The following RALGAPA2 variants were observed in gnomAD, a reference collection of about 807,000 sequenced individuals.
RALGAPA2 encodes ral GTPase-activating protein subunit alpha-2.
A neutral mutation model predicts 230.4 loss-of-function variants in RALGAPA2; 139 were observed. The ratio of observed to expected loss-of-function variants is 0.60; its 90% CI spans 0.53 to 0.69. RALGAPA2 has a LOEUF of 0.69. RALGAPA2 is among the 30% of genes least tolerant of loss of function. The pLI, the probability that RALGAPA2 is intolerant of heterozygous loss-of-function variation, is 0.00. For missense variants in RALGAPA2, 2,163 were observed against 2,276.0 expected (o/e 0.95, Z 1.01); for synonymous variants, 847 against 837.8 (o/e 1.01, Z -0.19).
intron 3 of RALGAPA2, among the ~76,000 whole-genome samples, chr20:20,664,681 T>C (rs2067899371): frequency 6.6e-6 from 1 of 152,200 alleles, no homozygotes; most frequent in African/African-American, 2.4e-5. Flanking sequence ...TGGCCATCCG[T>C]TTTATGCCAT....
chr20:20,598,445 T>A (rs1200950333), intron 16 of RALGAPA2, among the ~76,000 whole-genome samples: 3 of 152,202 alleles, frequency 2.0e-5, no homozygotes, highest in Non-Finnish European at 4.4e-5. Context: ...AACCCTTCTA[T>A]CCTTCTTAAT....
chr20:20,584,810 A>G (rs2065085064), intron 19 of RALGAPA2, 55 bp downstream of exon 19: 4 of 1,304,048 alleles, frequency 3.1e-6, no homozygotes, highest in Non-Finnish European at 4.4e-6. Flanking sequence ...ATGTAAAAAG[A>G]AAATAGAACA....
chr20:20,502,787 T>C (rs1330099617), intron 35 of RALGAPA2, among the ~76,000 whole-genome samples: 4 of 152,214 alleles, frequency 2.6e-5, no homozygotes, highest in Admixed American at 2.6e-4. Context: ...GATTAGAGGC[T>C]TCCTTCCCAG....
At position 20,505,454 on chromosome 20, in the gene RALGAPA2, C is replaced by T. The variant is rs750046325; in HGVS notation, c.5009G>A (p.Gly1670Glu). 6.2e-7 allele frequency: 1 copy of T among 1,602,162 alleles called. No individual in the cohort carries two copies. ...DKCSILSNER[G>E]SQAYEDFVAG... ...AACAAAGTCTTCATATGCTTGGCTT[C>T]CTCTTTCATTAGAGAGGATTGAACA... Residue 1670 changes from glycine to glutamate, a missense_variant, in exon 34 of 40, where the codon GGA becomes GAA. By Grantham distance (98) the Gly-to-Glu change is moderately conservative (BLOSUM62 -2). Transcript: ENST00000202677.
chr20:20,446,746 G>C (rs1394974605), intron 37 of RALGAPA2, among the ~76,000 whole-genome samples: 1 of 152,170 alleles, frequency 6.6e-6, no homozygotes, highest in Non-Finnish European at 1.5e-5. Context: ...GTGACTTCCT[G>C]GGTTGAACTA....
chr20:20,483,656 TG>T (rs999782882), intron 36 of RALGAPA2, among the ~76,000 whole-genome samples: 1 of 152,214 alleles, frequency 6.6e-6, no homozygotes, highest in Non-Finnish European at 1.5e-5. Context: ...AGGGAAACCA[TG>T]TGCAACCCCC....
intron 37 of RALGAPA2, among the ~76,000 whole-genome samples, chr20:20,440,210 G>T (rs2060707263): frequency 6.6e-6 from 1 of 152,048 alleles, no homozygotes; most frequent in Admixed American, 6.6e-5. Flanking sequence ...AAAATGACCT[G>T]GCCCAGAATA....
chr20:20,683,777 C>T (rs1029761913), intron 1 of RALGAPA2, among the ~76,000 whole-genome samples: 1 of 152,212 alleles, frequency 6.6e-6, no homozygotes, highest in Admixed American at 6.5e-5. Context: ...CCGGTTCCCA[C>T]ATCTCCTGCC....
intron 38 of RALGAPA2, among the ~76,000 whole-genome samples, chr20:20,400,572 C>A (rs150152849): frequency 6.6e-6 from 1 of 152,112 alleles, no homozygotes; most frequent in Non-Finnish European, 1.5e-5. Flanking sequence ...AAATTAATAT[C>A]TTGGTGTCAA....
rs533612759 is a variant in RALGAPA2, at chr20:20,514,917, G to A, written c.4085-1633C>T. Among the ~76,000 whole-genome samples the A allele has an allele frequency of 4.6e-5, 7 of 152,338 alleles. No individual in the cohort carries two copies. The South Asian group carries it at 1.0e-3, about 23-fold the overall frequency. On this transcript the variant is annotated intron_variant, in intron 31 of 39. Coordinates refer to ENST00000202677, the MANE Select transcript of RALGAPA2 (RefSeq NM_020343.4). ...CCTCTGCCTGTGCAGAGAACCAGGA[G>A]CCAAGGAGATTTCCCAGCTCCATGT... is the stretch of plus-strand genomic sequence containing the variant.
chr20:20,637,493 G>T lies in RALGAPA2; in HGVS notation c.675C>A (p.Ser225Arg). 1 of 1,563,634 alleles carries T rather than the reference G, an allele frequency of 6.4e-7. No homozygotes were observed. The highest frequency in any genetic ancestry group is 1.2e-5 in the South Asian group (1 of 84,888). ...GATTCTCCTTATTCTTCCACTCCAA[G>T]CTCGCAGCCTTTGGATAATATGTGG... Reference protein sequence around the residue: ...LLKYMVIQAASLEWKNKENQD... With the variant: ...LLKYMVIQAARLEWKNKENQD... Residue 225 changes from serine (S) to arginine (R), a missense_variant, in exon 8 of 40, where the codon AGC becomes AGA. Coordinates refer to ENST00000202677, the MANE Select transcript of RALGAPA2 (RefSeq NM_020343.4).
At chr20:20,639,672 C>A in intron 7 of RALGAPA2, 113 bp downstream of exon 7, 1 of 772,486 alleles carries the variant, frequency 1.3e-6, no homozygotes, top group South Asian at 1.8e-5. Context: ...ATAAAATCAC[C>A]TCAAAGAAAA....
Position 20,712,325 on chromosome 20 carries a change from A to T in RALGAPA2, c.106+50T>A, listed in dbSNP as rs2069916596. On this transcript the variant is annotated intron_variant, in intron 1 of 39. Coordinates refer to ENST00000202677, the MANE Select transcript of RALGAPA2 (RefSeq NM_020343.4). The surrounding 1 kb of genome is among the most constrained non-coding windows in gnomAD (Gnocchi z 5.5). ...CTGCACAGAGGAGCGCCCTCCCGGC[A>T]GGTGCCCCTAACCCGGCGCCCCGAC... 2 of 1,341,692 alleles carry T rather than the reference A, an allele frequency of 1.5e-6. No individual in the cohort carries two copies. The highest frequency in any genetic ancestry group is 2.5e-5 in the South Asian group (2 of 80,932). The allele number at this position is 1,341,692 out of a possible 1,614,324, so 83.1% of individuals were successfully genotyped here. A position where few individuals can be genotyped will look rare whatever the true frequency, so the allele number is the denominator to read the frequency against.
chr20:20,549,715 GGACA>G (rs2145740623), intron 23 of RALGAPA2, among the ~76,000 whole-genome samples: 1 of 152,166 alleles, frequency 6.6e-6, no homozygotes, highest in East Asian at 1.9e-4. Flanking sequence ...CTCAATAGTG[GGACA>G]TCCACAAAAT....
chr20:20,615,959 AT>A (rs1295142356), intron 13 of RALGAPA2, 83 bp downstream of exon 13: 1 of 1,100,882 alleles, frequency 9.1e-7, no homozygotes, highest in African/African-American at 1.6e-5. Context: ...AAAACATTAA[AT>A]AAATGCAAGC....
intron 26 of RALGAPA2, among the ~76,000 whole-genome samples, chr20:20,533,323 G>T (rs987003352): frequency 1.3e-5 from 2 of 151,860 alleles, no homozygotes; most frequent in Non-Finnish European, 2.9e-5. Context: ...CTATAAAAAG[G>T]TTAATTAAAA....
At chr20:20,455,574 GC>G (rs2061096652) in intron 37 of RALGAPA2, among the ~76,000 whole-genome samples, 1 of 152,182 alleles carries the variant, frequency 6.6e-6, no homozygotes, top group African/African-American at 2.4e-5. Flanking sequence ...ACAAACCACT[GC>G]CACAGAGGAC....
chr20:20,694,897 C>T lies in RALGAPA2; in HGVS notation c.107-14096G>A, dbSNP rs151017083. ...TGCAGAATTTGAGAACCCCTTGATA[C>T]CTAAATTATTTTTCATATATTCATA... On this transcript the variant is annotated intron_variant, in intron 1 of 39. Coordinates refer to ENST00000202677, the MANE Select transcript of RALGAPA2 (RefSeq NM_020343.4). Among the ~76,000 whole-genome samples, 424 of 152,198 alleles carry T rather than the reference C, an allele frequency of 2.8e-3. 2 individuals carry two copies. Among genetic ancestry groups the T allele is most frequent in the African/African-American group, 9.7e-3 (404 of 41,508 alleles).
In RALGAPA2 at chr20:20,505,421, A is replaced by G. The variant is rs2062502794; in HGVS notation, c.5042T>C (p.Leu1681Pro). The change falls in exon 34 of 40, where the codon CTT becomes CCT. Residue 1681 changes from leucine (L) to proline (P), a missense_variant. Physicochemically the swap from Leu to Pro is moderately conservative, Grantham distance 98. Transcript: ENST00000202677. ...AATGAAATGCATTACCTCCCATCCAAGTCCAGCAACAAAGTCTTCATATGC... is the reference window on the plus strand; with the variant it reads ...AATGAAATGCATTACCTCCCATCCAGGTCCAGCAACAAAGTCTTCATATGC... ...SQAYEDFVAG[L>P]GWEVDLSTHC... The G allele has an allele frequency of 6.3e-7, 1 of 1,599,330 alleles. No individual in the cohort carries two copies. Among genetic ancestry groups the G allele is most frequent in the Non-Finnish European group, 8.5e-7 (1 of 1,172,610 alleles).
Sources: gnomAD v4.1 joint callset for allele counts (sites outside exome capture counted in the v4.1 genomes callset) on GRCh38, gnomAD v4.1.1 for gene constraint, Gnocchi (gnomAD v3.1) non-coding constraint, MANE v1.5 for transcripts, NCBI Gene and HGNC (gene_info 2026-07-23, HGNC 2026-07-21) for gene names.